The following TRPV3 variants were observed in gnomAD, a reference collection of about 807,000 sequenced individuals.
The protein encoded by TRPV3 is transient receptor potential cation channel subfamily V member 3.
A neutral mutation model predicts 87.1 loss-of-function variants in TRPV3; 88 were observed. The observed-to-expected ratio is 1.01, with a 90% confidence interval of 0.85 to 1.21. The LOEUF (loss-of-function observed/expected upper bound fraction) is 1.21, where lower values mean the gene tolerates loss of function less well. TRPV3 is among the 50% of genes most tolerant of loss of function. The pLI, the probability that TRPV3 is intolerant of heterozygous loss-of-function variation, is 0.00. For missense variants in TRPV3, 1,054 were observed against 1,030.1 expected (o/e 1.02, Z -0.32); for synonymous variants, 438 against 423.3 (o/e 1.03, Z -0.43).
intron 1 of TRPV3, among the ~76,000 whole-genome samples, chr17:3,555,719 G>A (rs1235677524): frequency 6.6e-6 from 1 of 152,228 alleles, no homozygotes; most frequent in Non-Finnish European, 1.5e-5. Context: ...GCTGCTGTGT[G>A]GAGGAAGGAC....
intron 14 of TRPV3, among the ~76,000 whole-genome samples, chr17:3,520,290 G>C (rs902905656): frequency 2.6e-5 from 4 of 152,110 alleles, no homozygotes; most frequent in African/African-American, 9.7e-5. Flanking sequence ...TTTAAGAGGG[G>C]GCTCCTTCCT....
chr17:3,521,110 T>TGGGGGGGGGGG, intron 13 of TRPV3, 71 bp from the exon 14 acceptor site: 1 of 667,464 alleles, frequency 1.5e-6, no homozygotes. Flanking sequence ...TCTTCCTGCT[T>TGGGGGGGGGGG]CCCACCCTCT....
intron 6 of TRPV3, among the ~76,000 whole-genome samples, chr17:3,537,892 T>TAAAAAA (rs1161250971): frequency 5.9e-5 from 6 of 101,504 alleles, no homozygotes; most frequent in Non-Finnish European, 1.1e-4. Flanking sequence ...TCTGTCTTTT[T>TAAAAAA]AAAAAAAAAA....
At chr17:3,554,937 C>A in intron 1 of TRPV3, 85 bp from the exon 2 acceptor site, 1 of 772,374 alleles carries the variant, frequency 1.3e-6, no homozygotes. Flanking sequence ...TGGCTGCATC[C>A]AGCTCCCGTT....
chr17:3,537,285 C>T (rs908325229), intron 6 of TRPV3, among the ~76,000 whole-genome samples: 2 of 152,136 alleles, frequency 1.3e-5, no homozygotes, highest in Non-Finnish European at 2.9e-5. Flanking sequence ...ATAAGAAATG[C>T]TCTAAGACAT....
intron 2 of TRPV3, among the ~76,000 whole-genome samples, chr17:3,548,768 TGG>T (rs2074547129): frequency 6.6e-6 from 1 of 152,200 alleles, no homozygotes; most frequent in Admixed American, 6.5e-5. Flanking sequence ...AACCCTTGCC[TGG>T]GAACCTAAAG....
rs2074361549 is a variant in TRPV3, at chr17:3,532,844, TC to T, written c.877del (p.Asp293ThrfsTer12). ...GTGAAGGATGTTGTTGCCTCGTGAG[TC>T]CCGCGAGGTGATGTCCGTCTGCTCG... ...EHEQTDITSR[D>X]SRGNNILHAL... On this transcript the variant is annotated frameshift_variant, in exon 8 of 18. Coordinates refer to ENST00000576742, the MANE Select transcript of TRPV3 (RefSeq NM_145068.4). LOFTEE classifies it high-confidence loss of function. The T allele has an allele frequency of 1.2e-6, 2 of 1,614,174 alleles. No homozygotes were observed. Among genetic ancestry groups the T allele is most frequent in the Non-Finnish European group, 1.7e-6 (2 of 1,180,036 alleles).
intron 9 of TRPV3, among the ~76,000 whole-genome samples, 198 bp from the exon 10 acceptor site, chr17:3,529,193 A>G (rs1258584362): frequency 6.6e-6 from 1 of 152,106 alleles, no homozygotes; most frequent in African/African-American, 2.4e-5. Flanking sequence ...GGCAGCAGTC[A>G]GAGGCCGCAG....
chr17:3,555,936 G>T (rs1466988652), intron 1 of TRPV3, among the ~76,000 whole-genome samples: 2 of 152,184 alleles, frequency 1.3e-5, no homozygotes, highest in Non-Finnish European at 2.9e-5. Context: ...CAGCACTTTG[G>T]GAGGCCAAGG....
chr17:3,514,030 T>G lies in TRPV3; in HGVS notation c.2279-19A>C. 1.3e-6 allele frequency: 2 copies of G among 1,578,678 alleles called. No homozygotes were observed. The highest frequency in any genetic ancestry group is 1.7e-6 in the Non-Finnish European group (2 of 1,154,056). ...TTGAAATCTGCTTTTTAAAAAAATA[T>G]ATATTTTAGAAATATATCACTCTGC... On this transcript the variant is annotated intron_variant, in intron 17 of 17. Coordinates refer to ENST00000576742, the MANE Select transcript of TRPV3 (RefSeq NM_145068.4).
At chr17:3,549,017 G>A (rs1208503213) in intron 2 of TRPV3, among the ~76,000 whole-genome samples, 2 of 152,148 alleles carry the variant, frequency 1.3e-5, no homozygotes, top group African/African-American at 2.4e-5. Context: ...CAGTGCCCCA[G>A]AACTTTTGCC....
chr17:3,521,057 T>C lies in TRPV3; in HGVS notation c.1744-18A>G. 6.4e-7 allele frequency: 1 copy of C among 1,570,888 alleles called. No homozygotes were observed. The highest frequency in any genetic ancestry group is 8.7e-7 in the Non-Finnish European group (1 of 1,144,718). ...AAAATGACCTATAAGGAAATAAACA[T>C]AATTCAAGTGTAAGGTGCAAGCACA... On this transcript the variant is annotated intron_variant, in intron 13 of 17. Transcript: ENST00000576742.
chr17:3,528,263 G>A lies in TRPV3; in HGVS notation c.1402-137C>T. ...GCATGAAACCTGATCTCTGTACAGGGCAAGAGAAGGAAGAGCAGCTCCCTG... is the reference window on the plus strand; with the variant it reads ...GCATGAAACCTGATCTCTGTACAGGACAAGAGAAGGAAGAGCAGCTCCCTG... On this transcript the variant is annotated intron_variant, in intron 10 of 17. Coordinates refer to ENST00000576742, the MANE Select transcript of TRPV3 (RefSeq NM_145068.4). The surrounding 1 kb of genome is among the most constrained non-coding windows in gnomAD (Gnocchi z 4.2). The A allele has an allele frequency of 1.6e-6, 1 of 631,148 alleles. No individual in the cohort carries two copies. The highest frequency in any genetic ancestry group is 3.1e-5 in the Admixed American group (1 of 32,210). The allele number at this position is 631,148 out of a possible 1,614,324, so 39.1% of individuals were successfully genotyped here. A position where few individuals can be genotyped will look rare whatever the true frequency, so the allele number is the denominator to read the frequency against.
At chr17:3,553,921 A>G (rs527688073) in intron 2 of TRPV3, 2 of 152,716 alleles carry the variant, frequency 1.3e-5, no homozygotes, top group Non-Finnish European at 2.9e-5. Context: ...GGTTCAAGGG[A>G]CGCACAGGTG....
intron 2 of TRPV3, among the ~76,000 whole-genome samples, chr17:3,551,870 CTTTTTTTTTTTTTTTT>C (rs747932928): frequency 1.2e-4 from 5 of 43,362 alleles, no homozygotes; most frequent in Non-Finnish European, 2.1e-4. Flanking sequence ...GTAATTTATT[CTTTTTTTTTTTTTTTT>C]TTTTTTTTTT....
At position 3,534,697 on chromosome 17, in the gene TRPV3, A is replaced by G. The variant is rs1306263691; in HGVS notation, c.784+876T>C. On this transcript the variant is annotated intron_variant, in intron 7 of 17. Transcript: ENST00000576742. ...ACCCCAATTGCTTCTGGACTCTGTG[A>G]CTTGTGAGGCAGGGGAGTTCTGCCC... Among the ~76,000 whole-genome samples, 4 of 150,738 alleles carry G rather than the reference A, an allele frequency of 2.7e-5. No individual in the cohort carries two copies. The East Asian group carries it at 7.8e-4, about 29-fold the overall frequency.
rs1488907240 is a variant in TRPV3 at position 3,556,475 on chromosome 17, C to G, written c.-3+1201G>C. The stretch of plus-strand genomic sequence containing the variant: ...GGGTGCCACTCTCAGCTTGAATCAT[C>G]CTCAGGGGACTCACCTGGCGACACA... On this transcript the variant is annotated intron_variant, in intron 1 of 17. Transcript: ENST00000576742. This position sits in a 1 kb window ranked among gnomAD's most constrained non-coding sequence, Gnocchi z 4.2. 6.6e-6 allele frequency among the ~76,000 whole-genome samples: 1 copy of G among 152,046 alleles called. No homozygotes were observed. The highest frequency in any genetic ancestry group is 1.5e-5 in the Non-Finnish European group (1 of 67,990).
chr17:3,514,374 C>T (rs1437655749), intron 17 of TRPV3: 3 of 575,108 alleles, frequency 5.2e-6, no homozygotes, highest in Admixed American at 3.1e-5. Context: ...CCACCGCGCC[C>T]GGCCTGCATG....
At chr17:3,529,658 G>C (rs951914185) in intron 9 of TRPV3, among the ~76,000 whole-genome samples, 1 of 152,118 alleles carries the variant, frequency 6.6e-6, no homozygotes, top group African/African-American at 2.4e-5. Context: ...AGAATTCTAA[G>C]CCTGGCCGTA....
Sources: allele counts gnomAD v4.1 joint callset (sites outside exome capture counted in the v4.1 genomes callset), GRCh38; gene constraint gnomAD v4.1.1; non-coding constraint Gnocchi (gnomAD v3.1); transcripts MANE v1.5; gene names NCBI Gene and HGNC (gene_info 2026-07-23, HGNC 2026-07-21).